Variants in CACNA2D3 observed in about 807,000 individuals in gnomAD.
The protein encoded by CACNA2D3 is voltage-dependent calcium channel subunit alpha-2/delta-3.
In CACNA2D3, 60 loss-of-function variants were observed where a neutral mutation model predicts 160.6. The observed-to-expected ratio is 0.37, with a 90% CI of 0.30 to 0.46. The LOEUF is 0.46. CACNA2D3 is among the 20% of genes least tolerant of loss of function. The pLI is 1.00. For missense variants in CACNA2D3, 1,205 were observed against 1,365.0 expected, an observed-to-expected ratio of 0.88 and a Z score of 1.85; for synonymous variants, 558 against 492.9, an observed-to-expected ratio of 1.13 and a Z score of -1.75.
intron 9 of CACNA2D3, among the ~76,000 whole-genome samples, chr3:54,613,464 A>G (rs929976446): frequency 1.9e-4 from 29 of 152,186 alleles, no homozygotes; most frequent in African/African-American, 7.0e-4. Context: ...TAGCCTGTGA[A>G]TGGCCCTGGG....
At chr3:54,886,183 A>G (rs1699921894) in intron 23 of CACNA2D3, among the ~76,000 whole-genome samples, 1 of 41,254 alleles carries the variant, frequency 2.4e-5, no homozygotes, top group Non-Finnish European at 4.2e-5. Flanking sequence ...GGCAGGGGAG[A>G]GCCACTAAAA....
chr3:54,198,257 G>A (rs1224934782), intron 2 of CACNA2D3, among the ~76,000 whole-genome samples: 1 of 152,196 alleles, frequency 6.6e-6, no homozygotes, highest in Non-Finnish European at 1.5e-5. Flanking sequence ...GAGGACAAGA[G>A]GCCTGACACA....
chr3:54,572,432 T>G (rs1702515247), intron 8 of CACNA2D3, among the ~76,000 whole-genome samples: 2 of 152,190 alleles, frequency 1.3e-5, no homozygotes, highest in Non-Finnish European at 2.9e-5. Flanking sequence ...GTGTGGATTA[T>G]CTCACTGAAT....
chr3:54,676,870 T>A (rs79316897), intron 11 of CACNA2D3, among the ~76,000 whole-genome samples: 16 of 152,208 alleles, frequency 1.1e-4, no homozygotes, highest in Non-Finnish European at 1.9e-4. Flanking sequence ...CATTTAACTT[T>A]GACCCCCCAA....
chr3:54,147,761 G>C (rs1259842801), intron 2 of CACNA2D3, among the ~76,000 whole-genome samples: 4 of 152,164 alleles, frequency 2.6e-5, no homozygotes, highest in African/African-American at 9.7e-5. Context: ...AGCCAAGGTG[G>C]GCTTTTCCAA....
At chr3:54,331,529 T>C (rs1704255192) in intron 3 of CACNA2D3, among the ~76,000 whole-genome samples, 1 of 152,214 alleles carries the variant, frequency 6.6e-6, no homozygotes, top group Non-Finnish European at 1.5e-5. Flanking sequence ...TCTGTTGTCA[T>C]CATGATCATC....
intron 17 of CACNA2D3, among the ~76,000 whole-genome samples, chr3:54,847,897 T>C (rs1698969911): frequency 6.6e-6 from 1 of 152,222 alleles, no homozygotes; most frequent in Non-Finnish European, 1.5e-5. Flanking sequence ...TCCTAGTGTG[T>C]ATTTATTCCA....
chr3:54,694,990 A>G (rs572779989), intron 11 of CACNA2D3, among the ~76,000 whole-genome samples: 2 of 152,278 alleles, frequency 1.3e-5, no homozygotes, highest in African/African-American at 2.4e-5. Context: ...CTTCTTCCCT[A>G]TCATGTCATT....
At chr3:54,206,555 A>G (rs72972062) in intron 2 of CACNA2D3, among the ~76,000 whole-genome samples, 185 of 152,184 alleles carry the variant, frequency 1.2e-3, no homozygotes, top group African/African-American at 4.4e-3. Flanking sequence ...AAACAGTGAA[A>G]CCCTGCCGCG....
At chr3:54,274,937 A>G (rs1431507392) in intron 2 of CACNA2D3, among the ~76,000 whole-genome samples, 1 of 152,166 alleles carries the variant, frequency 6.6e-6, no homozygotes, top group East Asian at 1.9e-4. Context: ...CTTCTGTCAT[A>G]TTTTATTCAT....
intron 27 of CACNA2D3, among the ~76,000 whole-genome samples, chr3:54,944,129 A>T (rs1001042299): frequency 5.9e-5 from 9 of 152,118 alleles, no homozygotes; most frequent in Admixed American, 1.3e-4. Context: ...ATCCTTTGGT[A>T]GGAACAGGAT....
intron 5 of CACNA2D3, among the ~76,000 whole-genome samples, chr3:54,531,785 T>C (rs1047074604): frequency 6.6e-6 from 1 of 152,214 alleles, no homozygotes; most frequent in Admixed American, 6.5e-5. Flanking sequence ...GGAGACAATT[T>C]TAGAAATTTG....
At chr3:54,987,657 C>T (rs1702645687) in intron 30 of CACNA2D3, 26 bp from the exon 31 acceptor site, 2 of 1,497,166 alleles carry the variant, frequency 1.3e-6, no homozygotes, top group Non-Finnish European at 1.8e-6. Context: ...TTATCTACAC[C>T]TCCTCATATG....
chr3:54,710,340 T>G (rs1033052927), intron 11 of CACNA2D3, among the ~76,000 whole-genome samples: 1 of 152,224 alleles, frequency 6.6e-6, no homozygotes, highest in Non-Finnish European at 1.5e-5. Flanking sequence ...TCTAAATGAC[T>G]TAACAAAAAT....
intron 2 of CACNA2D3, among the ~76,000 whole-genome samples, chr3:54,296,442 C>G (rs1324936103): frequency 1.3e-5 from 2 of 152,206 alleles, no homozygotes; most frequent in African/African-American, 2.4e-5. Flanking sequence ...AACTTACTAA[C>G]CTAAGATGAA....
rs553401893 is a variant in CACNA2D3 at position 54,731,933 on chromosome 3, G to A, written c.1168-20666G>A. On this transcript the variant is annotated intron_variant, in intron 11 of 37. Transcript: ENST00000474759. ...ACTGACTTTGTATTGGGTTCCTTCA[G>A]TGTCAAGGCCCTTTTTTTCTTCTGA... Among the ~76,000 whole-genome samples, 12 of 152,250 alleles carry A rather than the reference G, an allele frequency of 7.9e-5. No homozygotes were observed. The South Asian group carries it at 2.5e-3, about 32-fold the overall frequency.
At chr3:54,794,094 AAT>A (rs1385202926) in intron 13 of CACNA2D3, among the ~76,000 whole-genome samples, 1 of 152,130 alleles carries the variant, frequency 6.6e-6, no homozygotes, top group African/African-American at 2.4e-5. Context: ...TATAAGAGCA[AAT>A]TTTATATATA....
At chr3:54,851,598 C>T (rs868111067) in intron 17 of CACNA2D3, among the ~76,000 whole-genome samples, 17 of 152,218 alleles carry the variant, frequency 1.1e-4, no homozygotes, top group Middle Eastern at 6.8e-3. Context: ...CCATTTGGAC[C>T]AGTACCGAGG....
chr3:54,822,777 TCTTTCTTTCTTTC>T (rs1703646544), intron 14 of CACNA2D3, among the ~76,000 whole-genome samples: 2 of 86,492 alleles, frequency 2.3e-5, no homozygotes, highest in Admixed American at 1.3e-4. Flanking sequence ...TTTCTTTCTT[TCTTTCTTTCTTTC>T]CTTTCTTTCT....
Sources: gnomAD v4.1 joint callset for allele counts (sites outside exome capture counted in the v4.1 genomes callset) on GRCh38, gnomAD v4.1.1 for gene constraint, MANE v1.5 for transcripts, NCBI Gene and HGNC (gene_info 2026-07-23, HGNC 2026-07-21) for gene names.